Variants in GABRB2 observed in about 807,000 individuals in gnomAD.
GABRB2 encodes the protein gamma-aminobutyric acid receptor subunit beta-2.
In GABRB2, 16 loss-of-function variants were observed where a neutral mutation model predicts 54.7. The observed-to-expected ratio is 0.29, with a 90% CI of 0.20 to 0.44. The LOEUF (loss-of-function observed/expected upper bound fraction) is 0.44. GABRB2 is among the 20% of genes least tolerant of loss of function. The pLI is 1.00. For missense variants in GABRB2, 355 were observed against 644.0 expected, an observed-to-expected ratio of 0.55 and a Z score of 4.86; for synonymous variants, 244 against 233.8, an observed-to-expected ratio of 1.04 and a Z score of -0.40.
chr5:161,408,543 C>G (rs1756412296), intron 5 of GABRB2, among the ~76,000 whole-genome samples: 1 of 151,898 alleles, frequency 6.6e-6, no homozygotes, highest in Admixed American at 6.6e-5. Context: ...CCTAATGTTC[C>G]CTGACTCCAA....
chr5:161,527,699 A>C (rs1760326220), intron 3 of GABRB2, among the ~76,000 whole-genome samples: 1 of 151,642 alleles, frequency 6.6e-6, no homozygotes, highest in Non-Finnish European at 1.5e-5. Context: ...GAAGAAATAC[A>C]AATGGCCTAT....
Position 161,491,229 on chromosome 5 carries a change from G to A in GABRB2, c.238-31385C>T, listed in dbSNP as rs187371713. On this transcript the variant is annotated intron_variant, in intron 3 of 9. Transcript: ENST00000393959. ...CATGAGTTCCAGCAAATTATTTATA[G>A]TAAAAAATTGTTGCTATATATATAA... 1.8e-3 allele frequency among the ~76,000 whole-genome samples: 277 copies of A among 151,670 alleles called. 2 individuals carry two copies. The highest frequency in any genetic ancestry group is 6.8e-3 in the Middle Eastern group (2 of 294).
intron 4 of GABRB2, among the ~76,000 whole-genome samples, chr5:161,434,688 T>C (rs1757261678): frequency 6.6e-6 from 1 of 152,168 alleles, no homozygotes. Flanking sequence ...CCCCATCACC[T>C]CGTAAGCATA....
chr5:161,413,315 C>T (rs947978934), intron 4 of GABRB2, among the ~76,000 whole-genome samples: 2 of 151,590 alleles, frequency 1.3e-5, no homozygotes, highest in African/African-American at 4.8e-5. Context: ...TGTAGAGGTT[C>T]TTTTTATATT....
chr5:161,451,967 C>T (rs992552292), intron 4 of GABRB2, among the ~76,000 whole-genome samples: 6 of 151,894 alleles, frequency 4.0e-5, no homozygotes, highest in African/African-American at 7.3e-5. Flanking sequence ...CATGATTCAA[C>T]GAAGATTTTA....
intron 3 of GABRB2, among the ~76,000 whole-genome samples, chr5:161,479,628 C>T (rs1302447409): frequency 1.3e-5 from 2 of 150,786 alleles, no homozygotes; most frequent in African/African-American, 4.9e-5. Context: ...CTCTGTCACC[C>T]AGGCTGGGGT....
chr5:161,407,211 G>T (rs1422950), intron 5 of GABRB2, among the ~76,000 whole-genome samples: 5 of 151,968 alleles, frequency 3.3e-5, no homozygotes, highest in African/African-American at 1.2e-4. Context: ...GAGGGGGCAT[G>T]ATGAGGCCAT....
intron 3 of GABRB2, among the ~76,000 whole-genome samples, chr5:161,460,466 C>T (rs912223424): frequency 2.6e-5 from 4 of 152,098 alleles, no homozygotes; most frequent in African/African-American, 9.6e-5. Context: ...GAAATATTTC[C>T]GAGGAAGAAA....
chr5:161,305,001 ATTTTTTTTTT>A (rs544511446), intron 9 of GABRB2, among the ~76,000 whole-genome samples: 2 of 95,174 alleles, frequency 2.1e-5, no homozygotes, highest in Admixed American at 1.2e-4. Flanking sequence ...TGATATATCA[ATTTTTTTTTT>A]TTTTTTTTTT....
intron 4 of GABRB2, among the ~76,000 whole-genome samples, chr5:161,427,126 A>G (rs549848277): frequency 6.6e-6 from 1 of 152,260 alleles, no homozygotes; most frequent in South Asian, 2.1e-4. Context: ...ATTTCAGTGA[A>G]ATGATACTGG....
chr5:161,470,943 C>T (rs539008865), intron 3 of GABRB2, among the ~76,000 whole-genome samples: 1 of 152,054 alleles, frequency 6.6e-6, no homozygotes, highest in Admixed American at 6.6e-5. Context: ...TACACTAAAG[C>T]TTGTTCATGC....
chr5:161,439,784 A>C (rs994777294), intron 4 of GABRB2, among the ~76,000 whole-genome samples: 2 of 151,912 alleles, frequency 1.3e-5, no homozygotes, highest in Non-Finnish European at 2.9e-5. Context: ...ATACATGGAC[A>C]TGTGGTGGGG....
At chr5:161,343,496 A>T (rs1398270744) in intron 5 of GABRB2, among the ~76,000 whole-genome samples, 1 of 152,056 alleles carries the variant, frequency 6.6e-6, no homozygotes, top group Non-Finnish European at 1.5e-5. Context: ...TAAAATTCCA[A>T]TGCAAAACTG....
At chr5:161,399,805 A>G (rs950808959) in intron 5 of GABRB2, among the ~76,000 whole-genome samples, 1 of 152,202 alleles carries the variant, frequency 6.6e-6, no homozygotes, top group African/African-American at 2.4e-5. Flanking sequence ...ATCTGTAAAG[A>G]GGAAATAATA....
At chr5:161,480,075 T>C (rs76511294) in intron 3 of GABRB2, among the ~76,000 whole-genome samples, 4,314 of 152,062 alleles carry the variant, frequency 0.028, 176 homozygotes, top group East Asian at 0.17. Flanking sequence ...TACCACTACC[T>C]CACTGTTATC....
chr5:161,374,543 C>A (rs1426960407), intron 5 of GABRB2, among the ~76,000 whole-genome samples: 1 of 152,204 alleles, frequency 6.6e-6, no homozygotes, highest in Non-Finnish European at 1.5e-5. Flanking sequence ...TCAAAGCTAT[C>A]AGATCTGGAG....
At position 161,365,357 on chromosome 5, in the gene GABRB2, G is replaced by A. The variant is rs73797586; in HGVS notation, c.542-28588C>T. ...ATAACTTTAAAGCAAAATTTGTCAT[G>A]TCTATAAAGTATTTCAATTTGTTAG... On this transcript the variant is annotated intron_variant, in intron 5 of 9. Transcript: ENST00000393959. Among the ~76,000 whole-genome samples the A allele has an allele frequency of 4.4e-3, 667 of 152,242 alleles. 8 individuals are homozygous for A. Among genetic ancestry groups the A allele is most frequent in the African/African-American group, 0.014 (592 of 41,542 alleles).
At position 161,502,622 on chromosome 5, in the gene GABRB2, T is replaced by C. The variant is rs1759486007; in HGVS notation, c.237+42605A>G. 3.9e-5 allele frequency among the ~76,000 whole-genome samples: 6 copies of C among 152,158 alleles called. No individual in the cohort carries two copies. The South Asian group carries it at 1.2e-3, about 31-fold the overall frequency. ...TCAGACAGCCCAGGGCTGTGATCTT[T>C]AGAGGAAAGAAACATGGGAAATTGA... On this transcript the variant is annotated intron_variant, in intron 3 of 9. Coordinates refer to ENST00000393959, the MANE Select transcript of GABRB2 (RefSeq NM_001371727.1).
At chr5:161,409,070 C>T (rs181396852) in intron 5 of GABRB2, among the ~76,000 whole-genome samples, 31 of 152,032 alleles carry the variant, frequency 2.0e-4, no homozygotes, top group Non-Finnish European at 2.5e-4. Context: ...ATGAATAAGC[C>T]CCAATTTTCC....
Sources: gnomAD v4.1 joint callset for allele counts (sites outside exome capture counted in the v4.1 genomes callset) on GRCh38, gnomAD v4.1.1 for gene constraint, MANE v1.5 for transcripts, NCBI Gene and HGNC (gene_info 2026-07-23, HGNC 2026-07-21) for gene names.